The following SLCO2A1 variants were observed in gnomAD, a reference collection of about 807,000 sequenced individuals.
SLCO2A1 encodes solute carrier organic anion transporter family member 2A1, also known as matrin F/G 1.
A neutral mutation model predicts 71.7 loss-of-function variants in SLCO2A1; 60 were observed. That is an observed-to-expected ratio of 0.84 (90% CI 0.68 to 1.04). The LOEUF is 1.04. SLCO2A1 is among the 50% of genes least tolerant of loss of function. SLCO2A1 has a pLI of 0.00. For synonymous variants in SLCO2A1, 308 were observed against 326.7 expected, an observed-to-expected ratio of 0.94 and a Z score of 0.62; for missense variants, 745 against 813.4, an observed-to-expected ratio of 0.92 and a Z score of 1.02.
intron 11 of SLCO2A1, among the ~76,000 whole-genome samples, chr3:133,940,413 A>G (rs1197806200): frequency 1.3e-5 from 2 of 151,924 alleles, no homozygotes; most frequent in African/African-American, 2.4e-5. Context: ...GAAAGGAGAG[A>G]TTTTCTAGAG....
At chr3:133,945,058 G>A (rs1266175504) in intron 10 of SLCO2A1, 37 bp downstream of exon 10, 1 of 1,584,364 alleles carries the variant, frequency 6.3e-7, no homozygotes, top group African/African-American at 1.4e-5. Context: ...GAGATCCTGT[G>A]GGGCTCCTCT....
At chr3:134,018,147 C>G (rs1314081587) in intron 1 of SLCO2A1, among the ~76,000 whole-genome samples, 1 of 152,114 alleles carries the variant, frequency 6.6e-6, no homozygotes, top group Non-Finnish European at 1.5e-5. Context: ...TCCTTTCTCC[C>G]TACAAGCAGG....
chr3:133,994,941 C>A (rs1934932072), intron 1 of SLCO2A1, among the ~76,000 whole-genome samples: 1 of 152,194 alleles, frequency 6.6e-6, no homozygotes, highest in Non-Finnish European at 1.5e-5. Context: ...CCGTTTCCTA[C>A]TCTTTTCTTC....
rs184174536 is a variant in SLCO2A1, at chr3:133,990,152, G to A, written c.97-10534C>T. Among the ~76,000 whole-genome samples the A allele has an allele frequency of 3.0e-3, 452 of 152,364 alleles. 3 individuals are homozygous for A. The highest frequency in any genetic ancestry group is 0.01 in the African/African-American group (422 of 41,590). On this transcript the variant is annotated intron_variant, in intron 1 of 13. Transcript: ENST00000310926. ...AGCCCGCGGGCTCCCCGCTACTGCA[G>A]GCCCCGTGCACGCAGTTGACCATCT...
At chr3:133,947,856 G>A (rs1933625364) in intron 8 of SLCO2A1, among the ~76,000 whole-genome samples, 1 of 152,176 alleles carries the variant, frequency 6.6e-6, no homozygotes, top group African/African-American at 2.4e-5. Context: ...CAGCCAGGGG[G>A]TGCACGGGAG....
intron 1 of SLCO2A1, among the ~76,000 whole-genome samples, chr3:134,005,780 C>G (rs1003791941): frequency 3.9e-5 from 6 of 152,032 alleles, no homozygotes; most frequent in Non-Finnish European, 7.4e-5. Context: ...CGTGCCCGGC[C>G]CATGTATTAT....
intron 3 of SLCO2A1, among the ~76,000 whole-genome samples, chr3:133,972,138 A>C (rs1462281524): frequency 2.6e-5 from 4 of 152,228 alleles, no homozygotes. Context: ...AACACAAAAG[A>C]AATCATAAGG....
chr3:133,956,061 A>G (rs1231452906), intron 3 of SLCO2A1, among the ~76,000 whole-genome samples: 1 of 152,014 alleles, frequency 6.6e-6, no homozygotes, highest in African/African-American at 2.4e-5. Context: ...GCAGCTCTCC[A>G]AGGCCTTAGG....
At chr3:133,962,758 G>A (rs905799737) in intron 3 of SLCO2A1, among the ~76,000 whole-genome samples, 1 of 152,198 alleles carries the variant, frequency 6.6e-6, no homozygotes, top group Non-Finnish European at 1.5e-5. Flanking sequence ...ATAGAAGCAT[G>A]GCAGGTTAGA....
Position 133,942,631 on chromosome 3 carries a change from G to C in SLCO2A1, c.1599C>G (p.His533Gln), listed in dbSNP as rs1395494182. ...GCAGAACCATCATGTAGAGGGGGTT[G>C]TGGGAGATGCAGGCTATCAGGGACA... ...SFVSLIACIS[H>Q]NPLYMMVLRV... The change falls in exon 11 of 14, where the codon CAC (histidine) becomes CAG (glutamine). Residue 533 changes from histidine (H) to glutamine (Q), a missense_variant. His to Gln is a conservative substitution (Grantham distance 24). Transcript: ENST00000310926. The C allele has an allele frequency of 6.2e-7, 1 of 1,613,604 alleles. No homozygotes were observed. The highest frequency in any genetic ancestry group is 8.5e-7 in the Non-Finnish European group (1 of 1,179,848).
At chr3:133,963,569 G>C (rs1490403878) in intron 3 of SLCO2A1, among the ~76,000 whole-genome samples, 1 of 152,246 alleles carries the variant, frequency 6.6e-6, no homozygotes, top group Non-Finnish European at 1.5e-5. Flanking sequence ...TCAAGTCATG[G>C]CTCTTAAGAG....
chr3:134,006,430 G>A (rs1174333063), intron 1 of SLCO2A1, among the ~76,000 whole-genome samples: 1 of 151,978 alleles, frequency 6.6e-6, no homozygotes, highest in African/African-American at 2.4e-5. Flanking sequence ...AACTCTTTTC[G>A]TCTTGCAAAA....
At chr3:134,013,458 A>G (rs1173279488) in intron 1 of SLCO2A1, among the ~76,000 whole-genome samples, 1 of 152,040 alleles carries the variant, frequency 6.6e-6, no homozygotes, top group African/African-American at 2.4e-5. Flanking sequence ...CCCCCCACCA[A>G]CAGGGCCTCA....
At chr3:133,970,920 A>G (rs1305538304) in intron 3 of SLCO2A1, among the ~76,000 whole-genome samples, 3 of 152,286 alleles carry the variant, frequency 2.0e-5, no homozygotes, top group Non-Finnish European at 4.4e-5. Flanking sequence ...GGAACAGCAC[A>G]GTGTTTCCTT....
At chr3:133,944,733 G>T (rs560617241) in intron 10 of SLCO2A1, among the ~76,000 whole-genome samples, 2 of 152,366 alleles carry the variant, frequency 1.3e-5, no homozygotes, top group East Asian at 3.9e-4. Flanking sequence ...ATTTATCTGG[G>T]CCACGGCCAG....
At chr3:134,026,715 G>A (rs1046501641) in intron 1 of SLCO2A1, among the ~76,000 whole-genome samples, 1 of 152,222 alleles carries the variant, frequency 6.6e-6, no homozygotes, top group Non-Finnish European at 1.5e-5. Flanking sequence ...ACTCAGATGA[G>A]AAATGCTACC....
intron 1 of SLCO2A1, among the ~76,000 whole-genome samples, chr3:133,982,801 C>T (rs1336911315): frequency 6.6e-6 from 1 of 152,072 alleles, no homozygotes; most frequent in East Asian, 1.9e-4. Flanking sequence ...CACCACACCA[C>T]CCCAGGGGGA....
chr3:134,024,105 TC>T (rs1228942626), intron 1 of SLCO2A1, among the ~76,000 whole-genome samples: 1 of 152,224 alleles, frequency 6.6e-6, no homozygotes, highest in African/African-American at 2.4e-5. Context: ...CCCTTGTTCA[TC>T]CCCGAGCAGA....
intron 2 of SLCO2A1, 30 bp from the exon 3 acceptor site, chr3:133,973,855 A>G (rs773753222): frequency 6.3e-7 from 1 of 1,598,752 alleles, no homozygotes; most frequent in Admixed American, 1.7e-5. Context: ...GCTGAGTGAG[A>G]CAAGAGGCCC....
Sources: gnomAD v4.1 joint callset for allele counts (sites outside exome capture counted in the v4.1 genomes callset) on GRCh38, gnomAD v4.1.1 for gene constraint, MANE v1.5 for transcripts, NCBI Gene and HGNC (gene_info 2026-07-23, HGNC 2026-07-21) for gene names.